The following PCDHA9 variants were observed in gnomAD, a reference collection of about 807,000 sequenced individuals.
PCDHA9 encodes protocadherin alpha-9.
PCDHA9 carries 62 observed loss-of-function variants against 62.0 expected under a neutral mutation model. The observed-to-expected ratio is 1.00, with a 90% CI of 0.81 to 1.23. The LOEUF is 1.23. PCDHA9 is among the 50% of genes most tolerant of loss of function. The pLI, the probability that PCDHA9 is intolerant of heterozygous loss-of-function variation, is 0.00. For synonymous variants in PCDHA9, 557 were observed against 567.6 expected, an observed-to-expected ratio of 0.98 and a Z score of 0.27; for missense variants, 1,205 against 1,249.8, an observed-to-expected ratio of 0.96 and a Z score of 0.54.
At chr5:141,005,467 GC>G (rs1463928635) in intron 3 of PCDHA9, among the ~76,000 whole-genome samples, 1 of 151,982 alleles carries the variant, frequency 6.6e-6, no homozygotes, top group Non-Finnish European at 1.5e-5. Context: ...ACTTTGGGAG[GC>G]CGAGACGGGC....
intron 1 of PCDHA9, chr5:140,968,878 T>A (rs1554231201): frequency 6.2e-7 from 1 of 1,614,244 alleles, no homozygotes; most frequent in South Asian, 1.1e-5. Flanking sequence ...ACTCTGAAAT[T>A]ACCCTTTATC....
intron 1 of PCDHA9, among the ~76,000 whole-genome samples, chr5:140,914,820 C>T (rs1277610128): frequency 6.6e-6 from 1 of 151,970 alleles, no homozygotes; most frequent in African/African-American, 2.4e-5. Flanking sequence ...TAACAGACTG[C>T]ATAAACAAAA....
Position 140,958,548 on chromosome 5 carries a change from A to G in PCDHA9, c.2395-20401A>G, listed in dbSNP as rs185504563. The stretch of plus-strand genomic sequence containing the variant: ...TATGTGTACATTGATTTATGAACCA[A>G]TAAATGTTTCATACACAGTTGAGAT... On this transcript the variant is annotated intron_variant, in intron 1 of 3. Transcript: ENST00000532602. Among the ~76,000 whole-genome samples the G allele has an allele frequency of 5.4e-3, 828 of 152,296 alleles. 8 individuals are homozygous for G. Among genetic ancestry groups the G allele is most frequent in the South Asian group, 1.0e-2 (48 of 4,822 alleles).
At chr5:140,910,837 A>G (rs1217601068) in intron 1 of PCDHA9, among the ~76,000 whole-genome samples, 1 of 152,188 alleles carries the variant, frequency 6.6e-6, no homozygotes, top group Non-Finnish European at 1.5e-5. Context: ...GCCTGATCCA[A>G]TGCCTTGGAT....
intron 3 of PCDHA9, among the ~76,000 whole-genome samples, chr5:140,992,294 G>C (rs2097504138): frequency 1.3e-5 from 2 of 152,190 alleles, no homozygotes; most frequent in African/African-American, 4.8e-5. Context: ...CAAAGGATGG[G>C]AGTATTGTTT....
intron 1 of PCDHA9, among the ~76,000 whole-genome samples, chr5:140,897,805 A>G (rs1216400632): frequency 6.6e-6 from 1 of 152,172 alleles, no homozygotes; most frequent in Non-Finnish European, 1.5e-5. Context: ...AGTCCCACCA[A>G]CAGTGTAAAA....
Position 140,858,345 on chromosome 5 carries a change from A to G in PCDHA9, c.2394+7456A>G, listed in dbSNP as rs782668038. 4 of 1,594,626 alleles carry G rather than the reference A, an allele frequency of 2.5e-6. 1 individual carries two copies. The African/African-American group carries it at 5.4e-5, about 21-fold the overall frequency. On this transcript the variant is annotated intron_variant, in intron 1 of 3. Coordinates refer to ENST00000532602, the MANE Select transcript of PCDHA9 (RefSeq NM_031857.2). ...TCTGGGGAGGGCCTGCCCAAGGCGGACCTCATGGCCTTCAGCCCCAGCCTT... is the reference window on the plus strand; with the variant it reads ...TCTGGGGAGGGCCTGCCCAAGGCGGGCCTCATGGCCTTCAGCCCCAGCCTT...
chr5:140,878,583 T>C (rs1355382396), intron 1 of PCDHA9, among the ~76,000 whole-genome samples: 1 of 152,236 alleles, frequency 6.6e-6, no homozygotes, highest in African/African-American at 2.4e-5. Context: ...CACTGCCCTG[T>C]GCCTATTACC....
At chr5:140,996,650 G>A (rs943173536) in intron 3 of PCDHA9, among the ~76,000 whole-genome samples, 2 of 152,042 alleles carry the variant, frequency 1.3e-5, no homozygotes, top group Non-Finnish European at 2.9e-5. Context: ...GTTAATCCTG[G>A]GTGCAGGCTA....
intron 1 of PCDHA9, among the ~76,000 whole-genome samples, chr5:140,976,448 G>C (rs2096716831): frequency 6.6e-6 from 1 of 152,148 alleles, no homozygotes; most frequent in Non-Finnish European, 1.5e-5. Context: ...CTACTAGGGA[G>C]GCTGGGGAAG....
intron 3 of PCDHA9, among the ~76,000 whole-genome samples, chr5:140,999,367 C>T (rs1229497053): frequency 4.6e-5 from 7 of 152,100 alleles, no homozygotes; most frequent in African/African-American, 1.7e-4. Flanking sequence ...TTCACAATCC[C>T]ATTAGATGGT....
intron 1 of PCDHA9, chr5:140,853,042 C>T (rs1417504758): frequency 3.7e-6 from 1 of 269,692 alleles, no homozygotes; most frequent in African/African-American, 2.3e-5. Flanking sequence ...CCATGCCCGC[C>T]TAATTTTTTT....
At chr5:140,965,314 T>C (rs563123453) in intron 1 of PCDHA9, among the ~76,000 whole-genome samples, 1 of 152,254 alleles carries the variant, frequency 6.6e-6, no homozygotes, top group East Asian at 1.9e-4. Flanking sequence ...TACCTTCTCT[T>C]TTACTGAAGT....
intron 1 of PCDHA9, chr5:140,930,101 G>A (rs782338185): frequency 9.2e-5 from 14 of 152,094 alleles, no homozygotes; most frequent in Non-Finnish European, 1.6e-4. Context: ...TATACTGATA[G>A]GAGATCATAT....
chr5:140,876,792 A>C, intron 1 of PCDHA9: 1 of 1,614,116 alleles, frequency 6.2e-7, no homozygotes, highest in East Asian at 2.2e-5. Flanking sequence ...CCACGGCTAG[A>C]GTGTCCGTGG....
At chr5:140,897,833 C>T (rs1366388258) in intron 1 of PCDHA9, among the ~76,000 whole-genome samples, 14 of 152,138 alleles carry the variant, frequency 9.2e-5, no homozygotes, top group African/African-American at 3.4e-4. Flanking sequence ...TATTTCTCCA[C>T]ATCCTCTCCA....
intron 1 of PCDHA9, chr5:140,969,617 A>G (rs2096348108): frequency 4.3e-6 from 3 of 705,552 alleles, no homozygotes; most frequent in Non-Finnish European, 6.8e-6. Context: ...ACAGATTTGT[A>G]GAGAAACAGG....
At chr5:141,007,015 A>G (rs1342063703) in intron 3 of PCDHA9, among the ~76,000 whole-genome samples, 1 of 152,210 alleles carries the variant, frequency 6.6e-6, no homozygotes, top group Non-Finnish European at 1.5e-5. Flanking sequence ...TCATCAGCTT[A>G]TTCATATGGT....
Position 140,965,232 on chromosome 5 carries a change from G to T in PCDHA9, c.2395-13717G>T, listed in dbSNP as rs192008157. ...TCCTGTGGAAGAAATGTGAGAACCT[G>T]GGAAGAGTGAATATTCAGAACTGAG... On this transcript the variant is annotated intron_variant, in intron 1 of 3. Coordinates refer to ENST00000532602, the MANE Select transcript of PCDHA9 (RefSeq NM_031857.2). Among the ~76,000 whole-genome samples, 4 of 152,312 alleles carry T rather than the reference G, an allele frequency of 2.6e-5. No individual in the cohort carries two copies. In the East Asian group the frequency reaches 7.7e-4, roughly 29 times the overall value.
Sources: gnomAD v4.1 joint callset for allele counts (sites outside exome capture counted in the v4.1 genomes callset) on GRCh38, gnomAD v4.1.1 for gene constraint, MANE v1.5 for transcripts, NCBI Gene and HGNC (gene_info 2026-07-23, HGNC 2026-07-21) for gene names.